SLC9A9: variants seen among roughly 807,000 people sequenced by gnomAD.
The protein encoded by SLC9A9 is solute carrier family 9 member A9.
SLC9A9 carries 62 observed loss-of-function variants against 77.8 expected under a neutral mutation model. The ratio of observed to expected loss-of-function variants is 0.80; its 90% CI spans 0.65 to 0.98. The LOEUF (loss-of-function observed/expected upper bound fraction) is 0.98, where lower values mean the gene tolerates loss of function less well. SLC9A9 is among the 50% of genes least tolerant of loss of function. The pLI is 0.00. For missense variants in SLC9A9, 775 were observed against 774.9 expected (o/e 1.00, Z 0.00); for synonymous variants, 320 against 283.5 (o/e 1.13, Z -1.29).
chr3:143,549,023 T>C (rs1255467024), intron 9 of SLC9A9, among the ~76,000 whole-genome samples: 3 of 152,254 alleles, frequency 2.0e-5, no homozygotes, highest in Non-Finnish European at 4.4e-5. Context: ...GCAAAGCAGC[T>C]GTGTAACTGC....
At chr3:143,390,508 C>T (rs1381125386) in intron 12 of SLC9A9, among the ~76,000 whole-genome samples, 2 of 152,202 alleles carry the variant, frequency 1.3e-5, no homozygotes, top group African/African-American at 4.8e-5. Context: ...CTCCAGTCTA[C>T]AGCTCCCAGC....
At chr3:143,369,319 G>T (rs1576453002) in intron 13 of SLC9A9, among the ~76,000 whole-genome samples, 1 of 152,150 alleles carries the variant, frequency 6.6e-6, no homozygotes, top group Non-Finnish European at 1.5e-5. Flanking sequence ...GTAGAAAGTA[G>T]AATTGTGGTT....
At chr3:143,672,818 T>G (rs1046703051) in intron 5 of SLC9A9, among the ~76,000 whole-genome samples, 5 of 152,088 alleles carry the variant, frequency 3.3e-5, no homozygotes, top group Non-Finnish European at 7.4e-5. Context: ...AAGGCATTTC[T>G]CCCCCCAACC....
intron 6 of SLC9A9, among the ~76,000 whole-genome samples, chr3:143,621,186 G>C (rs1296749960): frequency 6.6e-6 from 1 of 152,182 alleles, no homozygotes; most frequent in East Asian, 1.9e-4. Context: ...TCCACCTCTG[G>C]GGGCAGGGCA....
At chr3:143,721,335 T>C (rs979158164) in intron 4 of SLC9A9, among the ~76,000 whole-genome samples, 2 of 152,188 alleles carry the variant, frequency 1.3e-5, no homozygotes, top group Non-Finnish European at 2.9e-5. Flanking sequence ...AAGGAAGACA[T>C]ACACATGAAC....
At chr3:143,351,562 G>A (rs1269924376) in intron 14 of SLC9A9, among the ~76,000 whole-genome samples, 5 of 152,126 alleles carry the variant, frequency 3.3e-5, no homozygotes, top group African/African-American at 1.2e-4. Flanking sequence ...TGGTGGGGGG[G>A]AGTACCCATT....
chr3:143,677,097 A>G (rs987873306), intron 5 of SLC9A9, among the ~76,000 whole-genome samples: 3 of 152,150 alleles, frequency 2.0e-5, no homozygotes, highest in Non-Finnish European at 4.4e-5. Context: ...TGTGATTACA[A>G]CTCACAAACC....
At chr3:143,281,448 C>A (rs1302634099) in intron 14 of SLC9A9, among the ~76,000 whole-genome samples, 1 of 152,130 alleles carries the variant, frequency 6.6e-6, no homozygotes, top group Non-Finnish European at 1.5e-5. Context: ...GTTTAAAAAT[C>A]ATTCTCCCAC....
At chr3:143,614,784 G>A (rs534256620) in intron 6 of SLC9A9, among the ~76,000 whole-genome samples, 1 of 152,278 alleles carries the variant, frequency 6.6e-6, no homozygotes, top group African/African-American at 2.4e-5. Context: ...AGTACTCGGT[G>A]TTTTCTGAGA....
chr3:143,367,757 A>G (rs2032950431), intron 13 of SLC9A9, among the ~76,000 whole-genome samples: 1 of 152,196 alleles, frequency 6.6e-6, no homozygotes, highest in African/African-American at 2.4e-5. Flanking sequence ...CTCAAGGACA[A>G]TAGATGTGAG....
intron 12 of SLC9A9, among the ~76,000 whole-genome samples, chr3:143,392,828 C>A (rs2033605299): frequency 6.6e-6 from 1 of 152,090 alleles, no homozygotes; most frequent in South Asian, 2.1e-4. Context: ...GACTTTAAAC[C>A]AACAAAGATC....
chr3:143,440,535 C>T (rs1335274665), intron 12 of SLC9A9, among the ~76,000 whole-genome samples: 2 of 152,182 alleles, frequency 1.3e-5, no homozygotes, highest in South Asian at 2.1e-4. Flanking sequence ...CAGTGAGGTG[C>T]CTCCAGGTCT....
At chr3:143,579,941 AT>A (rs1376229737) in intron 6 of SLC9A9, among the ~76,000 whole-genome samples, 1 of 152,198 alleles carries the variant, frequency 6.6e-6, no homozygotes, top group East Asian at 1.9e-4. Context: ...TTTTTCCTGG[AT>A]GTCTTTAAAC....
chr3:143,776,866 A>G (rs983635811), intron 4 of SLC9A9, among the ~76,000 whole-genome samples: 2 of 152,218 alleles, frequency 1.3e-5, no homozygotes, highest in African/African-American at 4.8e-5. Flanking sequence ...ATTCCTACAT[A>G]TAGTTATTTT....
intron 6 of SLC9A9, among the ~76,000 whole-genome samples, chr3:143,646,639 T>C (rs1358506876): frequency 6.6e-6 from 1 of 152,180 alleles, no homozygotes; most frequent in Admixed American, 6.5e-5. Flanking sequence ...CTTGCTCAAA[T>C]CAATGCATTC....
rs73006299 is a variant in SLC9A9 at position 143,278,283 on chromosome 3, G to A, written c.1605-9303C>T. Among the ~76,000 whole-genome samples the A allele has an allele frequency of 8.2e-3, 1,246 of 152,238 alleles. 14 individuals are homozygous for A. Among genetic ancestry groups the A allele is most frequent in the African/African-American group, 0.029 (1,194 of 41,554 alleles). ...GGGAGGAAGACGGCAAACACAAAAC[G>A]CAAAGGGCTGGGGGTCTAGCTGCTG... On this transcript the variant is annotated intron_variant, in intron 14 of 15. Transcript: ENST00000316549.
chr3:143,583,167 A>C (rs2037484546), intron 6 of SLC9A9, among the ~76,000 whole-genome samples: 1 of 151,964 alleles, frequency 6.6e-6, no homozygotes, highest in African/African-American at 2.4e-5. Flanking sequence ...TAAATAAATA[A>C]AAATATATAT....
chr3:143,306,834 G>A (rs1184499900), intron 14 of SLC9A9, among the ~76,000 whole-genome samples: 1 of 152,136 alleles, frequency 6.6e-6, no homozygotes, highest in Non-Finnish European at 1.5e-5. Context: ...ACACTCTCTG[G>A]TATTTTCTCT....
At chr3:143,582,149 G>A (rs2037466427) in intron 6 of SLC9A9, among the ~76,000 whole-genome samples, 1 of 152,138 alleles carries the variant, frequency 6.6e-6, no homozygotes, top group African/African-American at 2.4e-5. Flanking sequence ...TCATATTGTG[G>A]GTACTTTTAT....
Sources: allele counts gnomAD v4.1 joint callset (sites outside exome capture counted in the v4.1 genomes callset), GRCh38; gene constraint gnomAD v4.1.1; transcripts MANE v1.5; gene names NCBI Gene and HGNC (gene_info 2026-07-23, HGNC 2026-07-21).